Variants in STYXL1 observed in about 807,000 individuals in gnomAD.
The protein encoded by STYXL1 is serine/threonine/tyrosine interacting like 1.
Under a neutral mutation model 36.4 loss-of-function variants are expected in STYXL1, and 32 were observed. That is an observed-to-expected ratio of 0.88 (90% CI 0.66 to 1.18). The LOEUF is 1.18. Ranked by LOEUF, STYXL1 falls within the 50% of genes most tolerant of loss-of-function variation. The probability of loss-of-function intolerance (pLI) is 0.00; values close to 1 mark genes in which losing one functional copy is unlikely to be tolerated. For missense variants in STYXL1, 354 were observed against 394.1 expected, an observed-to-expected ratio of 0.90 and a Z score of 0.86; for synonymous variants, 133 against 144.1, an observed-to-expected ratio of 0.92 and a Z score of 0.55.
intron 8 of STYXL1, among the ~76,000 whole-genome samples, chr7:75,999,511 A>ATATATGTG (rs1554565620): frequency 1.0e-5 from 1 of 95,908 alleles, no homozygotes; most frequent in Non-Finnish European, 2.0e-5. Flanking sequence ...GTGTGTGTGT[A>ATATATGTG]TGTGTGTGTG....
At chr7:76,016,417 GTATACACATATATACATA>G (rs1563486124) in intron 4 of STYXL1, among the ~76,000 whole-genome samples, 1 of 150,178 alleles carries the variant, frequency 6.7e-6, no homozygotes. Flanking sequence ...ATATCTATAC[GTATACACATATATACATA>G]TATACGCATA....
rs60118008 is a variant in STYXL1, at chr7:76,046,339, TGC to T, written c.-5+1321_-5+1322del. On this transcript the variant is annotated intron_variant, in intron 1 of 8. Coordinates refer to ENST00000359697, the MANE Select transcript of STYXL1 (RefSeq NM_001317785.2). ...GTGTGTGTGTGTGTGTGTGTGTGTGTGCGCGCGCGCGCGCGCGCGCTTTTGAG... is the reference window on the plus strand; with the variant it reads ...GTGTGTGTGTGTGTGTGTGTGTGTGTGCGCGCGCGCGCGCGCGCTTTTGAG... Among the ~76,000 whole-genome samples the T allele has an allele frequency of 3.0e-3, 136 of 44,862 alleles. 3 individuals are homozygous for T. Among genetic ancestry groups the T allele is most frequent in the South Asian group, 0.02 (13 of 662 alleles). The allele number at this position is 44,862 out of a possible 152,430, so 29.4% of individuals were successfully genotyped here.
At chr7:76,030,003 T>A (rs7801932) in intron 2 of STYXL1, among the ~76,000 whole-genome samples, 41,045 of 151,770 alleles carry the variant, frequency 0.27, 6,963 homozygotes, top group Non-Finnish European at 0.39. Context: ...TTTTTTATTT[T>A]TTTTTTTCTT....
chr7:76,003,933 A>C (rs1791311316), intron 6 of STYXL1, 78 bp from the exon 7 acceptor site: 2 of 1,322,854 alleles, frequency 1.5e-6, no homozygotes, highest in Non-Finnish European at 1.1e-6. Flanking sequence ...TCATCACAGC[A>C]GAAGGGCCAC....
intron 3 of STYXL1, among the ~76,000 whole-genome samples, chr7:76,026,164 C>T (rs1340298860): frequency 1.9e-5 from 2 of 105,994 alleles, no homozygotes; most frequent in Non-Finnish European, 3.6e-5. Flanking sequence ...TGCACTCCAG[C>T]CTGGAGGACA....
chr7:76,003,054 G>T (rs1791189096), intron 7 of STYXL1, among the ~76,000 whole-genome samples: 2 of 152,204 alleles, frequency 1.3e-5, no homozygotes, highest in Admixed American at 1.3e-4. Flanking sequence ...ACCTGACTCA[G>T]CCCTGCTCTC....
intron 4 of STYXL1, among the ~76,000 whole-genome samples, chr7:76,019,867 G>C (rs927852783): frequency 2.1e-5 from 3 of 146,232 alleles, no homozygotes; most frequent in African/African-American, 7.7e-5. Flanking sequence ...GCCAATGCAA[G>C]AGAATTGCTT....
chr7:76,028,350 G>A (rs1232804682), intron 3 of STYXL1, among the ~76,000 whole-genome samples: 2 of 152,096 alleles, frequency 1.3e-5, no homozygotes, highest in Admixed American at 1.3e-4. Flanking sequence ...AGGAGTTTAA[G>A]GCCGCAGTGA....
At chr7:76,039,909 A>G (rs1554581769) in intron 1 of STYXL1, among the ~76,000 whole-genome samples, 1 of 152,114 alleles carries the variant, frequency 6.6e-6, no homozygotes, top group Non-Finnish European at 1.5e-5. Flanking sequence ...AACTTCCCAA[A>G]GTGCTGGGAT....
chr7:76,028,493 G>A, intron 3 of STYXL1, 149 bp downstream of exon 3: 2 of 676,986 alleles, frequency 3.0e-6, no homozygotes. Context: ...AAATGTGTGA[G>A]GGTGAGAGGT....
chr7:76,001,107 T>A, intron 7 of STYXL1, 105 bp from the exon 8 acceptor site: 1 of 843,312 alleles, frequency 1.2e-6, no homozygotes, highest in East Asian at 2.5e-5. Context: ...AAGCATGAGT[T>A]CAAAACCAGC....
rs782152331 is a variant in STYXL1, at chr7:75,996,551, G to A, written c.859C>T (p.Arg287Trp). 7.4e-6 allele frequency: 12 copies of A among 1,614,086 alleles called. No homozygotes were observed. The highest frequency in any genetic ancestry group is 3.3e-5 in the South Asian group (3 of 91,086). The change falls in exon 9 of 9, where the codon CGG (arginine) becomes TGG (tryptophan). Residue 287 changes from arginine (R) to tryptophan (W), a missense_variant. By Grantham distance (101) the Arg-to-Trp change is moderately radical (BLOSUM62 -3). Transcript: ENST00000359697. The stretch of plus-strand genomic sequence containing the variant: ...TCCAGCAGCTGGCTCACCAATCCCC[G>A]ATTTGGACACATGTTGTTTTTGCAC... ...KKCKNNMCPN[R>W]GLVSQLLEWE...
chr7:75,998,454 C>G (rs533547033), intron 8 of STYXL1: 1 of 152,282 alleles, frequency 6.6e-6, no homozygotes, highest in Non-Finnish European at 1.5e-5. Context: ...TGTGCCACCA[C>G]GCCTGGCTCA....
At chr7:76,000,020 G>A (rs1790678927) in intron 8 of STYXL1, among the ~76,000 whole-genome samples, 1 of 151,302 alleles carries the variant, frequency 6.6e-6, no homozygotes, top group African/African-American at 2.4e-5. Context: ...GTGAAACCCT[G>A]TCTCTACTAA....
chr7:76,033,815 A>G (rs782157733), intron 1 of STYXL1, among the ~76,000 whole-genome samples: 5 of 152,096 alleles, frequency 3.3e-5, no homozygotes, highest in Non-Finnish European at 7.3e-5. Context: ...TACCGCCTCC[A>G]CTTCTTCACC....
intron 3 of STYXL1, among the ~76,000 whole-genome samples, chr7:76,022,528 A>G (rs563718804): frequency 2.1e-4 from 32 of 151,924 alleles, no homozygotes; most frequent in Middle Eastern, 3.4e-3. Context: ...TGCCAGGCAT[A>G]GTGGCATGCG....
chr7:76,038,949 A>T (rs1585340107), intron 1 of STYXL1, among the ~76,000 whole-genome samples: 1 of 127,798 alleles, frequency 7.8e-6, no homozygotes, highest in Non-Finnish European at 1.5e-5. Flanking sequence ...ATCATGCCTA[A>T]TTTTTTTTTT....
At chr7:76,029,524 C>T (rs1405608696) in intron 2 of STYXL1, among the ~76,000 whole-genome samples, 2 of 152,028 alleles carry the variant, frequency 1.3e-5, no homozygotes, top group African/African-American at 4.8e-5. Context: ...AATTTTTCCA[C>T]GGAACAGGGC....
chr7:76,001,497 CTTCT>C (rs1790919957), intron 7 of STYXL1, among the ~76,000 whole-genome samples: 1 of 151,952 alleles, frequency 6.6e-6, no homozygotes, highest in Non-Finnish European at 1.5e-5. Flanking sequence ...CTCTCCTTTC[CTTCT>C]TTCTTTGTTG....
Sources: allele counts gnomAD v4.1 joint callset (sites outside exome capture counted in the v4.1 genomes callset), GRCh38; gene constraint gnomAD v4.1.1; transcripts MANE v1.5; gene names NCBI Gene and HGNC (gene_info 2026-07-23, HGNC 2026-07-21).